Variants in FXR1 observed in about 807,000 individuals in gnomAD.
FXR1 encodes the protein RNA-binding protein FXR1.
FXR1 carries 15 observed loss-of-function variants against 84.0 expected under a neutral mutation model. The ratio of observed to expected loss-of-function variants is 0.18; its 90% CI spans 0.12 to 0.27. The LOEUF (loss-of-function observed/expected upper bound fraction) is 0.27, where lower values mean the gene tolerates loss of function less well. Ranked by LOEUF, FXR1 falls within the 10% of genes least tolerant of loss-of-function variation. FXR1 has a pLI of 1.00. For missense variants in FXR1, 480 were observed against 774.4 expected (o/e 0.62, Z 4.51); for synonymous variants, 245 against 250.7 (o/e 0.98, Z 0.21).
intron 10 of FXR1, among the ~76,000 whole-genome samples, chr3:180,959,808 G>C (rs1203443299): frequency 6.6e-6 from 1 of 151,940 alleles, no homozygotes; most frequent in East Asian, 1.9e-4. Flanking sequence ...CTCTGTAATA[G>C]CTGTGCTATA....
intron 10 of FXR1, among the ~76,000 whole-genome samples, chr3:180,961,071 C>T (rs559262369): frequency 1.3e-5 from 2 of 152,144 alleles, no homozygotes; most frequent in African/African-American, 4.8e-5. Context: ...TGGCTCACGC[C>T]TGTAACCTCT....
Position 180,981,238 on chromosome 3 carries a change from C to T in FXR1, c.*4946C>T, listed in dbSNP as rs1714595377. On this transcript the variant is annotated 3_prime_UTR_variant, in exon 17 of 17. Coordinates refer to ENST00000357559, the MANE Select transcript of FXR1 (RefSeq NM_005087.4). ...CGTGAAATTTTATTTTTAGACATTT[C>T]TGATACTAGGTTTTCTTTACGGGGG... The T allele has an allele frequency of 6.6e-6, 1 of 151,888 alleles. No individual in the cohort carries two copies. Among genetic ancestry groups the T allele is most frequent in the Non-Finnish European group, 1.5e-5 (1 of 67,900 alleles). The allele number at this position is 151,888 out of a possible 1,614,324, so 9.4% of individuals were successfully genotyped here.
chr3:180,969,927 T>C (rs1447437072), intron 14 of FXR1, among the ~76,000 whole-genome samples: 1 of 152,222 alleles, frequency 6.6e-6, no homozygotes, highest in Non-Finnish European at 1.5e-5. Flanking sequence ...GAAGCCAAGA[T>C]GTCTGCTTAC....
At chr3:180,927,549 G>T in intron 1 of FXR1, 1 of 560,674 alleles carries the variant, frequency 1.8e-6, no homozygotes, top group South Asian at 2.2e-5. Context: ...AACGGCTCCT[G>T]TCAAGTTGAG....
In FXR1 at chr3:180,926,500, A is replaced by ATT. The variant is rs1261585777; in HGVS notation, c.52-6833_52-6832insTT. On this transcript the variant is annotated intron_variant, in intron 1 of 16. Coordinates refer to ENST00000357559, the MANE Select transcript of FXR1 (RefSeq NM_005087.4). ...ACTGTATATATATATATATATATATATATATATTTTTTTTTCTGGCCTTTT... is the reference window on the plus strand; with the variant it reads ...ACTGTATATATATATATATATATATATTTATATATTTTTTTTTCTGGCCTTTT... Among the ~76,000 whole-genome samples the ATT allele has an allele frequency of 4.6e-3, 237 of 51,826 alleles. 1 individual carries two copies. The highest frequency in any genetic ancestry group is 0.039 in the African/African-American group (227 of 5,760). 34.0% of individuals were successfully genotyped at this position (51,826 alleles called of 152,430 possible). A position where few individuals can be genotyped will look rare whatever the true frequency, so the allele number is the denominator to read the frequency against.
chr3:180,918,374 G>A (rs1452470365), intron 1 of FXR1, among the ~76,000 whole-genome samples: 4 of 144,956 alleles, frequency 2.8e-5, no homozygotes, highest in Non-Finnish European at 6.2e-5. Flanking sequence ...CTGGTCTCAA[G>A]CAATACTCCC....
At chr3:180,949,721 A>C (rs1722031988) in intron 7 of FXR1, among the ~76,000 whole-genome samples, 1 of 152,146 alleles carries the variant, frequency 6.6e-6, no homozygotes, top group African/African-American at 2.4e-5. Flanking sequence ...CCTTGCTTCA[A>C]ACGAAGGCAG....
Position 180,948,733 on chromosome 3 carries a change from A to G in FXR1, c.432A>G (p.Glu144=). Residue 144 remains glutamate (E), a synonymous_variant, in exon 6 of 17, where the codon GAA becomes GAG. Transcript: ENST00000357559. ...PEDLREACAN[E]NAHKDFKKAV... Reference sequence around the variant, plus strand: ...GATTTCTCTCTAGGTGTGCTAATGAAAATGCACATAAAGATTTTAAGAAAG... The same window carrying G: ...GATTTCTCTCTAGGTGTGCTAATGAGAATGCACATAAAGATTTTAAGAAAG... 6.4e-7 allele frequency: 1 copy of G among 1,558,246 alleles called. No individual in the cohort carries two copies. The highest frequency in any genetic ancestry group is 1.1e-5 in the South Asian group (1 of 89,702).
intron 1 of FXR1, among the ~76,000 whole-genome samples, chr3:180,913,847 A>G (rs1184829062): frequency 6.6e-6 from 1 of 152,230 alleles, no homozygotes; most frequent in Non-Finnish European, 1.5e-5. Flanking sequence ...TTCTTCTAAT[A>G]CATGAGTATT....
Position 180,981,033 on chromosome 3 carries a change from A to C in FXR1, c.*4741A>C, listed in dbSNP as rs1714586134. On this transcript the variant is annotated 3_prime_UTR_variant, in exon 17 of 17. Coordinates refer to ENST00000357559, the MANE Select transcript of FXR1 (RefSeq NM_005087.4). Reference sequence around the variant, plus strand: ...CATGTTCTAAATTTTCATCAGATTTAACATGTTTGGAGGTTCTTGTGCACT... The same window carrying C: ...CATGTTCTAAATTTTCATCAGATTTCACATGTTTGGAGGTTCTTGTGCACT... The C allele has an allele frequency of 1.3e-5, 2 of 151,870 alleles. No homozygotes were observed. The highest frequency in any genetic ancestry group is 4.8e-5 in the African/African-American group (2 of 41,386). The allele number at this position is 151,870 out of a possible 1,614,324, so 9.4% of individuals were successfully genotyped here.
chr3:180,929,910 G>C (rs115555658), intron 1 of FXR1, among the ~76,000 whole-genome samples: 3 of 152,322 alleles, frequency 2.0e-5, no homozygotes, highest in East Asian at 3.9e-4. Flanking sequence ...TAGATTTTAA[G>C]GACTTGGTGT....
At chr3:180,935,893 T>G (rs1720469379) in intron 3 of FXR1, among the ~76,000 whole-genome samples, 2 of 151,830 alleles carry the variant, frequency 1.3e-5, no homozygotes, top group African/African-American at 4.8e-5. Flanking sequence ...TTTATTTTAT[T>G]TTATTTATTT....
intron 3 of FXR1, among the ~76,000 whole-genome samples, chr3:180,935,962 GCTCACTGCAACCTCTGC>G (rs1270087287): frequency 7.2e-5 from 11 of 152,018 alleles, no homozygotes; most frequent in African/African-American, 2.7e-4. Context: ...CGCGATCTTG[GCTCACTGCAACCTCTGC>G]CTCCCAGGTT....
At chr3:180,915,653 T>C (rs1343276661) in intron 1 of FXR1, 2 of 710,182 alleles carry the variant, frequency 2.8e-6, no homozygotes, top group Admixed American at 2.0e-5. Context: ...TTCCCTTTTT[T>C]CCCCTCCTCT....
chr3:180,957,787 C>A, intron 9 of FXR1, 32 bp from the exon 10 acceptor site: 1 of 986,780 alleles, frequency 1.0e-6, no homozygotes, highest in South Asian at 1.4e-5. Flanking sequence ...TGAGTTTTAG[C>A]TTACCATTGT....
chr3:180,948,289 T>C, intron 4 of FXR1, 58 bp from the exon 5 acceptor site: 3 of 1,308,354 alleles, frequency 2.3e-6, no homozygotes, highest in Non-Finnish European at 3.3e-6. Flanking sequence ...TAGAACTTCA[T>C]TTAAACTTCA....
At chr3:180,950,936 C>T (rs768471414) in intron 7 of FXR1, among the ~76,000 whole-genome samples, 2 of 151,914 alleles carry the variant, frequency 1.3e-5, no homozygotes, top group Admixed American at 6.6e-5. Flanking sequence ...TTTGTGGCCG[C>T]GTGTGGTAGC....
intron 3 of FXR1, among the ~76,000 whole-genome samples, chr3:180,943,265 CT>C (rs71182562): frequency 0.4 from 10,858 of 27,406 alleles, 1,535 homozygotes; most frequent in East Asian, 0.46. Context: ...CTGTGCCCGG[CT>C]TTTTTTTTTT....
intron 10 of FXR1, among the ~76,000 whole-genome samples, chr3:180,959,702 A>G (rs1238119525): frequency 6.6e-6 from 1 of 151,234 alleles, no homozygotes; most frequent in Non-Finnish European, 1.5e-5. Context: ...TCCTGAGGAC[A>G]GTGTTAAGAC....
Sources: allele counts gnomAD v4.1 joint callset (sites outside exome capture counted in the v4.1 genomes callset), GRCh38; gene constraint gnomAD v4.1.1; transcripts MANE v1.5; gene names NCBI Gene and HGNC (gene_info 2026-07-23, HGNC 2026-07-21).